The following LINGO2 variants were observed in gnomAD, a reference collection of about 807,000 sequenced individuals.
LINGO2 encodes the protein leucine-rich repeat and immunoglobulin-like domain-containing nogo receptor-interacting protein 2.
A neutral mutation model predicts 30.6 loss-of-function variants in LINGO2; 14 were observed. The observed-to-expected ratio is 0.46, with a 90% CI of 0.30 to 0.72. The LOEUF (loss-of-function observed/expected upper bound fraction) is 0.72. Among genes scored for constraint, LINGO2 ranks in the 30% least tolerant of loss-of-function variants. The pLI, the probability that LINGO2 is intolerant of heterozygous loss-of-function variation, is 0.07. For missense variants in LINGO2, 729 were observed against 751.7 expected, an observed-to-expected ratio of 0.97 and a Z score of 0.35; for synonymous variants, 317 against 288.5, an observed-to-expected ratio of 1.10 and a Z score of -1.00.
At chr9:28,794,684 G>GA in the LINGO2 span, among the ~76,000 whole-genome samples, 2 of 152,122 alleles carry the variant, frequency 1.3e-5, no homozygotes, top group African/African-American at 4.8e-5. Flanking sequence ...AGTGTAATTA[G>GA]AAAACTCTAA....
At chr9:28,788,889 T>C in the LINGO2 span, among the ~76,000 whole-genome samples, 1 of 152,138 alleles carries the variant, frequency 6.6e-6, no homozygotes, top group Non-Finnish European at 1.5e-5. Context: ...CCTAAGCATA[T>C]CAACAAGTAC....
the LINGO2 span, among the ~76,000 whole-genome samples, chr9:29,002,517 C>G: frequency 4.6e-5 from 7 of 152,180 alleles, no homozygotes; most frequent in Non-Finnish European, 7.4e-5. Flanking sequence ...AGAACAGAAT[C>G]TGCACCACTG....
At chr9:28,585,675 C>T (rs1343317387) in intron 1 of LINGO2, among the ~76,000 whole-genome samples, 3 of 151,980 alleles carry the variant, frequency 2.0e-5, no homozygotes, top group South Asian at 4.1e-4. Context: ...GCATTTTTTA[C>T]TTACAATATT....
intron 4 of LINGO2, among the ~76,000 whole-genome samples, chr9:28,192,164 AC>A (rs1819845142): frequency 1.3e-5 from 2 of 152,166 alleles, no homozygotes; most frequent in South Asian, 4.1e-4. Flanking sequence ...CATTGCTCAA[AC>A]CTAAGATACC....
At chr9:28,150,958 C>A (rs1475034065) in intron 4 of LINGO2, among the ~76,000 whole-genome samples, 3 of 152,274 alleles carry the variant, frequency 2.0e-5, no homozygotes, top group East Asian at 1.9e-4. Context: ...AAGTTAAATT[C>A]TTTTATCCTT....
At chr9:29,189,150 C>T in the LINGO2 span, among the ~76,000 whole-genome samples, 4 of 142,846 alleles carry the variant, frequency 2.8e-5, no homozygotes, top group African/African-American at 1.0e-4. Context: ...GGGGGCTGAC[C>T]CCCCCACCTC....
chr9:28,752,547 G>T, the LINGO2 span, among the ~76,000 whole-genome samples: 1 of 151,940 alleles, frequency 6.6e-6, no homozygotes, highest in Non-Finnish European at 1.5e-5. Context: ...AAGAAATTTG[G>T]TATCAAAACT....
intron 2 of LINGO2, among the ~76,000 whole-genome samples, chr9:28,378,667 C>T (rs771451682): frequency 2.0e-5 from 3 of 152,180 alleles, no homozygotes; most frequent in Middle Eastern, 3.2e-3. Flanking sequence ...CTATTCTAAA[C>T]AGCACCATTA....
chr9:28,081,550 T>G (rs545839501), intron 4 of LINGO2, among the ~76,000 whole-genome samples: 1 of 152,350 alleles, frequency 6.6e-6, no homozygotes, highest in African/African-American at 2.4e-5. Flanking sequence ...TTATGGTCAC[T>G]TTGAATACAT....
At chr9:29,169,467 G>A in the LINGO2 span, among the ~76,000 whole-genome samples, 33 of 151,602 alleles carry the variant, frequency 2.2e-4, no homozygotes, top group African/African-American at 7.7e-4. Flanking sequence ...GTGGGCAAAA[G>A]ACATACACAG....
the LINGO2 span, among the ~76,000 whole-genome samples, chr9:29,080,180 TATGTGA>T: frequency 1.3e-5 from 2 of 152,008 alleles, no homozygotes; most frequent in African/African-American, 2.4e-5. Context: ...TGGGAGGGGG[TATGTGA>T]CCAGGAATTT....
At chr9:28,695,070 C>T in the LINGO2 span, among the ~76,000 whole-genome samples, 2 of 150,564 alleles carry the variant, frequency 1.3e-5, no homozygotes, top group Non-Finnish European at 3.0e-5. Flanking sequence ...AACAAACAAA[C>T]AAACAAGCAC....
chr9:28,988,884 G>T, the LINGO2 span, among the ~76,000 whole-genome samples: 1 of 152,030 alleles, frequency 6.6e-6, no homozygotes, highest in African/African-American at 2.4e-5. Context: ...AGTGTTTCAG[G>T]TTTTTTTCTA....
the LINGO2 span, among the ~76,000 whole-genome samples, chr9:29,047,763 A>G: frequency 7.2e-5 from 11 of 152,202 alleles, no homozygotes; most frequent in Non-Finnish European, 1.0e-4. Context: ...GTGATTTAAG[A>G]AATCAGTAAT....
the LINGO2 span, among the ~76,000 whole-genome samples, chr9:29,081,266 G>C: frequency 4.2e-3 from 646 of 152,170 alleles, 2 homozygotes; most frequent in African/African-American, 0.015. Context: ...GGACTGCAAG[G>C]CTGGTTCAAC....
At chr9:29,055,940 G>GTATATATATATATTTGTATATATA in the LINGO2 span, among the ~76,000 whole-genome samples, 1 of 119,980 alleles carries the variant, frequency 8.3e-6, no homozygotes, top group Non-Finnish European at 1.8e-5. Context: ...ATGTGTGTGT[G>GTATATATATATATTTGTATATATA]TATATATACA....
chr9:29,039,612 T>A, the LINGO2 span, among the ~76,000 whole-genome samples: 1 of 152,150 alleles, frequency 6.6e-6, no homozygotes, highest in Non-Finnish European at 1.5e-5. Flanking sequence ...TTTAGTATCT[T>A]CTCTTTCCTC....
At chr9:28,823,899 T>A in the LINGO2 span, among the ~76,000 whole-genome samples, 1 of 152,180 alleles carries the variant, frequency 6.6e-6, no homozygotes, top group Non-Finnish European at 1.5e-5. Context: ...GTATATATAT[T>A]GACTTCAGTG....
chr9:28,098,625 G>C (rs113226425), intron 4 of LINGO2, among the ~76,000 whole-genome samples: 1 of 152,050 alleles, frequency 6.6e-6, no homozygotes, highest in Non-Finnish European at 1.5e-5. Context: ...ATTTTTATGT[G>C]TGGATACTGG....
Sources: gnomAD v4.1 joint callset for allele counts (sites outside exome capture counted in the v4.1 genomes callset) on GRCh38, gnomAD v4.1.1 for gene constraint, MANE v1.5 for transcripts, NCBI Gene and HGNC (gene_info 2026-07-23, HGNC 2026-07-21) for gene names.